DMD: variants seen among roughly 807,000 people sequenced by gnomAD.
DMD encodes dystrophin, also known as mutant dystrophin.
Under a neutral mutation model 330.1 loss-of-function variants are expected in DMD, and 63 were observed. The observed-to-expected ratio is 0.19, with a 90% CI of 0.16 to 0.24. DMD has a LOEUF of 0.24. DMD is among the 10% of genes least tolerant of loss of function. The pLI is 1.00. For synonymous variants in DMD, 1,223 were observed against 959.8 expected, an observed-to-expected ratio of 1.27 and a Z score of -5.07; for missense variants, 3,344 against 2,684.1, an observed-to-expected ratio of 1.25 and a Z score of -5.43.
intron 2 of DMD, among the ~76,000 whole-genome samples, chrX:32,949,951 T>TA (rs1212818239): frequency 1.1e-5 from 1 of 94,707 alleles, no homozygotes; most frequent in Non-Finnish European, 2.1e-5. Flanking sequence ...ACATCCAGTG[T>TA]AAAGGTGCAG....
intron 7 of DMD, among the ~76,000 whole-genome samples, chrX:32,761,110 T>G (rs891014513): frequency 2.6e-4 from 29 of 112,132 alleles, no homozygotes; most frequent in Non-Finnish European, 5.3e-4. Context: ...ATGTCCAAGA[T>G]GTTTACAAGT....
chrX:31,528,519 C>T (rs1480823999), intron 55 of DMD, among the ~76,000 whole-genome samples: 3 of 112,312 alleles, frequency 2.7e-5, no homozygotes, highest in South Asian at 3.6e-4. Context: ...CTGGCTTGCA[C>T]GTGTGAGGTG....
chrX:32,261,423 T>G (rs1333453813), intron 43 of DMD, among the ~76,000 whole-genome samples: 1 of 111,478 alleles, frequency 9.0e-6, no homozygotes, highest in Non-Finnish European at 1.9e-5. Context: ...TGGCAAAATA[T>G]TCAATTAAAG....
intron 48 of DMD, among the ~76,000 whole-genome samples, chrX:31,851,973 C>T (rs2093534156): frequency 9.1e-6 from 1 of 110,183 alleles, no homozygotes; most frequent in South Asian, 3.9e-4. Flanking sequence ...TGCAAAGGCC[C>T]TGGGGCAGGA....
At chrX:31,446,569 G>A (rs913193996) in intron 59 of DMD, among the ~76,000 whole-genome samples, 2 of 111,899 alleles carry the variant, frequency 1.8e-5, no homozygotes, top group Non-Finnish European at 3.8e-5. Flanking sequence ...AAGTTTTATA[G>A]GGGTGGATAG....
In DMD at chrX:31,363,844, A is replaced by G. The variant is rs922211151; in HGVS notation, c.9085-15210T>C. On this transcript the variant is annotated intron_variant, in intron 60 of 78. Transcript: ENST00000357033. ...CAGTAGCACCTCCTCACCAGTTGGG[A>G]CAACTGAAAATGTCTCCAGAAATTG... 1.9e-4 allele frequency among the ~76,000 whole-genome samples: 21 copies of G among 112,484 alleles called. No individual in the cohort carries two copies. The Admixed American group carries it at 2.0e-3, about 11-fold the overall frequency.
chrX:32,016,968 A>C (rs73451845), intron 44 of DMD, among the ~76,000 whole-genome samples: 8,263 of 112,323 alleles, frequency 0.074, 620 homozygotes, highest in African/African-American at 0.23. Context: ...ACAAGAAGTC[A>C]TTGAGTAGAA....
chrX:32,990,617 CT>C (rs1443971258), intron 2 of DMD, among the ~76,000 whole-genome samples: 1 of 111,599 alleles, frequency 9.0e-6, no homozygotes, highest in Non-Finnish European at 1.9e-5. Flanking sequence ...AAATAAACCC[CT>C]AAACCTTAAT....
chrX:32,862,413 G>T (rs189207225), intron 2 of DMD, among the ~76,000 whole-genome samples: 15 of 111,459 alleles, frequency 1.3e-4, no homozygotes, highest in African/African-American at 4.9e-4. Context: ...TATGTAAGTG[G>T]GATGTTATGA....
chrX:33,002,254 T>C (rs1350022149), intron 2 of DMD, among the ~76,000 whole-genome samples: 3 of 111,242 alleles, frequency 2.7e-5, no homozygotes, highest in Non-Finnish European at 5.7e-5. Context: ...CCCAGGTTCT[T>C]GGTGTCTTGA....
At chrX:33,329,268 A>G (rs779210083) in intron 1 of DMD, among the ~76,000 whole-genome samples, 24 of 112,015 alleles carry the variant, frequency 2.1e-4, no homozygotes, top group Non-Finnish European at 4.3e-4. Context: ...CTGAAATTAA[A>G]GACTAATAAT....
At chrX:33,076,530 T>A (rs1466081305) in intron 1 of DMD, among the ~76,000 whole-genome samples, 1 of 111,327 alleles carries the variant, frequency 9.0e-6, no homozygotes, top group African/African-American at 3.3e-5. Flanking sequence ...TAAGCAGGTT[T>A]GTGGGATATG....
At chrX:32,099,041 A>G (rs899320933) in intron 44 of DMD, among the ~76,000 whole-genome samples, 22 of 111,940 alleles carry the variant, frequency 2.0e-4, no homozygotes, top group African/African-American at 7.1e-4. Context: ...TCTATGGCCT[A>G]CAGTGTGCCC....
chrX:31,849,722 T>C (rs1450268156), intron 48 of DMD, among the ~76,000 whole-genome samples: 1 of 110,728 alleles, frequency 9.0e-6, no homozygotes, highest in Non-Finnish European at 1.9e-5. Flanking sequence ...TATGAATATA[T>C]ATTTATAAAT....
intron 1 of DMD, among the ~76,000 whole-genome samples, chrX:33,228,803 A>G (rs1040135714): frequency 2.8e-5 from 3 of 108,933 alleles, no homozygotes; most frequent in African/African-American, 1.0e-4. Flanking sequence ...AAACTGCCAA[A>G]CTATTTTCCA....
intron 2 of DMD, among the ~76,000 whole-genome samples, chrX:32,860,064 C>T (rs919081792): frequency 1.3e-4 from 14 of 111,670 alleles, no homozygotes; most frequent in South Asian, 3.7e-4. Context: ...GACCTAAAAA[C>T]GAGACAGTAT....
At chrX:33,075,177 C>T (rs1184816594) in intron 1 of DMD, among the ~76,000 whole-genome samples, 2 of 111,869 alleles carry the variant, frequency 1.8e-5, no homozygotes, top group Non-Finnish European at 3.8e-5. Context: ...TGTCTGATGA[C>T]TGATGGCTCC....
At chrX:32,660,063 A>G (rs1032288631) in intron 9 of DMD, among the ~76,000 whole-genome samples, 2 of 111,324 alleles carry the variant, frequency 1.8e-5, no homozygotes, top group African/African-American at 6.5e-5. Flanking sequence ...AATAGGAGTA[A>G]TCATGCTTCA....
chrX:31,715,414 G>A (rs1178584216), intron 52 of DMD, among the ~76,000 whole-genome samples: 2 of 104,449 alleles, frequency 1.9e-5, no homozygotes, highest in Non-Finnish European at 3.9e-5. Flanking sequence ...ATGGTGGCGC[G>A]CGCCTGTAGT....
Sources: allele counts gnomAD v4.1 joint callset (sites outside exome capture counted in the v4.1 genomes callset), GRCh38; gene constraint gnomAD v4.1.1; transcripts MANE v1.5; gene names NCBI Gene and HGNC (gene_info 2026-07-23, HGNC 2026-07-21).